RYR2: variants seen among roughly 807,000 people sequenced by gnomAD.
RYR2 encodes the protein ryanodine receptor 2.
In RYR2, 227 loss-of-function variants were observed where a neutral mutation model predicts 601.1. That is an observed-to-expected ratio of 0.38 (90% CI 0.34 to 0.42). The LOEUF (loss-of-function observed/expected upper bound fraction) is 0.42. Among genes scored for constraint, RYR2 ranks in the 10% least tolerant of loss-of-function variants. The probability of loss-of-function intolerance (pLI) is 1.00; values close to 1 mark genes in which losing one functional copy is unlikely to be tolerated. For synonymous variants in RYR2, 2,223 were observed against 2,175.1 expected (o/e 1.02, Z -0.61); for missense variants, 4,646 against 6,156.5 (o/e 0.75, Z 8.21).
chr1:237,400,855 C>T (rs753769939), intron 10 of RYR2, among the ~76,000 whole-genome samples: 1 of 152,148 alleles, frequency 6.6e-6, no homozygotes, highest in African/African-American at 2.4e-5. Flanking sequence ...AGCCTCTTCT[C>T]TCTAGGCAGT....
chr1:237,497,138 TAAAA>T (rs989334464), intron 20 of RYR2, among the ~76,000 whole-genome samples: 7 of 152,120 alleles, frequency 4.6e-5, no homozygotes, highest in African/African-American at 1.7e-4. Flanking sequence ...GTTGCCAACA[TAAAA>T]GAACAAAAAA....
At chr1:237,231,330 T>C (rs921080353) in intron 1 of RYR2, among the ~76,000 whole-genome samples, 1 of 150,768 alleles carries the variant, frequency 6.6e-6, no homozygotes, top group East Asian at 1.9e-4. Context: ...TTCTTTCTTT[T>C]TTTTTTTCTG....
At chr1:237,293,309 C>T (rs915107030) in intron 2 of RYR2, among the ~76,000 whole-genome samples, 4 of 152,146 alleles carry the variant, frequency 2.6e-5, no homozygotes, top group Non-Finnish European at 4.4e-5. Flanking sequence ...CAAGTTCAAG[C>T]GATTCTCATG....
chr1:237,629,531 A>T (rs562111816), intron 41 of RYR2, among the ~76,000 whole-genome samples: 44 of 152,242 alleles, frequency 2.9e-4, no homozygotes, highest in South Asian at 8.3e-4. Context: ...TAGAAGACAA[A>T]TATTTAGCAG....
chr1:237,133,712 G>T (rs1337780051), intron 1 of RYR2, among the ~76,000 whole-genome samples: 2 of 152,066 alleles, frequency 1.3e-5, no homozygotes, highest in Non-Finnish European at 2.9e-5. Context: ...TGGATCATGA[G>T]GTCAGAAGTT....
intron 17 of RYR2, among the ~76,000 whole-genome samples, chr1:237,480,727 T>C (rs1661969855): frequency 6.6e-6 from 1 of 152,194 alleles, no homozygotes; most frequent in Admixed American, 6.5e-5. Context: ...AGCAAACTCC[T>C]GACTCATATT....
At chr1:237,355,544 A>C (rs2149689777) in intron 3 of RYR2, among the ~76,000 whole-genome samples, 1 of 152,280 alleles carries the variant, frequency 6.6e-6, no homozygotes, top group East Asian at 1.9e-4. Context: ...TTTTACTTTA[A>C]GTGTCATGAG....
chr1:237,738,930 A>G (rs906767567), intron 79 of RYR2, among the ~76,000 whole-genome samples: 7 of 152,116 alleles, frequency 4.6e-5, no homozygotes, highest in African/African-American at 1.2e-4. Flanking sequence ...CTTAACAACA[A>G]TGGTTAAGAG....
chr1:237,285,739 C>G (rs1691489958), intron 2 of RYR2, among the ~76,000 whole-genome samples: 1 of 152,118 alleles, frequency 6.6e-6, no homozygotes, highest in Admixed American at 6.5e-5. Flanking sequence ...CTAACTCCTC[C>G]TGATTTAAGC....
intron 1 of RYR2, among the ~76,000 whole-genome samples, chr1:237,082,314 C>T (rs1275006094): frequency 4.6e-5 from 7 of 151,838 alleles, no homozygotes; most frequent in African/African-American, 1.7e-4. Context: ...TGACTCTATT[C>T]TGCTATTAAG....
At chr1:237,142,071 C>T (rs372890935) in intron 1 of RYR2, among the ~76,000 whole-genome samples, 1 of 152,204 alleles carries the variant, frequency 6.6e-6, no homozygotes, top group Non-Finnish European at 1.5e-5. Flanking sequence ...ACTGGAGATG[C>T]CTTATGACCA....
intron 10 of RYR2, among the ~76,000 whole-genome samples, chr1:237,391,725 C>T (rs1403001618): frequency 6.6e-6 from 1 of 152,066 alleles, no homozygotes; most frequent in African/African-American, 2.4e-5. Context: ...CCTTTACCTT[C>T]CTCTTCACAT....
intron 1 of RYR2, among the ~76,000 whole-genome samples, chr1:237,165,830 A>G (rs1676649105): frequency 6.6e-6 from 1 of 151,960 alleles, no homozygotes. Context: ...GTGAGACCTC[A>G]TCTCTCAGAA....
intron 8 of RYR2, among the ~76,000 whole-genome samples, chr1:237,384,026 A>C (rs1056397321): frequency 6.6e-6 from 1 of 152,204 alleles, no homozygotes; most frequent in Non-Finnish European, 1.5e-5. Flanking sequence ...TGAATATTGC[A>C]TACCACAAGC....
At chr1:237,087,110 G>A (rs967526941) in intron 1 of RYR2, among the ~76,000 whole-genome samples, 2 of 152,114 alleles carry the variant, frequency 1.3e-5, no homozygotes. Context: ...AGTAAAGCTG[G>A]GATTCCCTGA....
intron 29 of RYR2, among the ~76,000 whole-genome samples, chr1:237,585,925 T>C (rs1674472285): frequency 6.6e-6 from 1 of 152,166 alleles, no homozygotes; most frequent in Non-Finnish European, 1.5e-5. Context: ...TACACAGGAA[T>C]ATAATGAAAG....
chr1:237,123,749 G>A (rs1008526908), intron 1 of RYR2, among the ~76,000 whole-genome samples: 3 of 138,232 alleles, frequency 2.2e-5, no homozygotes, highest in Non-Finnish European at 4.5e-5. Context: ...CTCACTGCAA[G>A]CTCCGCTTCC....
chr1:237,584,638 G>A (rs1407468871), intron 29 of RYR2, among the ~76,000 whole-genome samples: 1 of 130,112 alleles, frequency 7.7e-6, no homozygotes, highest in African/African-American at 2.8e-5. Flanking sequence ...CCCAAATCCA[G>A]CTCACCACCT....
chr1:237,287,687 A>T (rs964139880), intron 2 of RYR2, among the ~76,000 whole-genome samples: 3 of 152,166 alleles, frequency 2.0e-5, no homozygotes, highest in African/African-American at 7.2e-5. Context: ...AAGCTATCTA[A>T]TTCCTTGAAT....
Sources: gnomAD v4.1 joint callset for allele counts (sites outside exome capture counted in the v4.1 genomes callset) on GRCh38, gnomAD v4.1.1 for gene constraint, MANE v1.5 for transcripts, NCBI Gene and HGNC (gene_info 2026-07-23, HGNC 2026-07-21) for gene names.